Variants in TTLL2 observed in about 807,000 individuals in gnomAD.
The protein encoded by TTLL2 is tubulin tyrosine ligase like 2.
A neutral mutation model predicts 7.5 loss-of-function variants in TTLL2; 10 were observed. The ratio of observed to expected loss-of-function variants is 1.33; its 90% CI spans 0.82 to 2.25. The LOEUF is 2.25. Among genes scored for constraint, TTLL2 ranks in the 30% most tolerant of loss-of-function variants. TTLL2 has a pLI of 0.00. For synonymous variants in TTLL2, 284 were observed against 280.3 expected (o/e 1.01, Z -0.13); for missense variants, 733 against 735.7 (o/e 1.00, Z 0.04).
rs200167585 is a variant in TTLL2 at position 167,340,735 on chromosome 6, C to T, written c.835C>T (p.Arg279Trp). 1.5e-5 allele frequency: 25 copies of T among 1,614,028 alleles called. 1 individual carries two copies. Among genetic ancestry groups the T allele is most frequent in the Middle Eastern group, 1.6e-4 (1 of 6,084 alleles). Residue 279 changes from arginine to tryptophan, a missense_variant, in exon 3 of 3, where the codon CGG becomes TGG. Physicochemically the swap from Arg to Trp is moderately radical, Grantham distance 101. Transcript: ENST00000239587. The part of the protein sequence containing the change: ...TIYVYQEGLV[R>W]FATEKFDLSN... ...TTATGTTTATCAGGAAGGGTTGGTT[C>T]GGTTTGCCACGGAAAAGTTTGACCT...
In TTLL2 at chr6:167,340,413, C is replaced by T. The variant is rs151191435; in HGVS notation, c.513C>T (p.Gly171=). The T allele has an allele frequency of 6.2e-7, 1 of 1,614,078 alleles. No individual in the cohort carries two copies. ...KHLKHMRRMY[G]TSLYQFIPLT... is the part of the protein sequence containing the mutation. ...TGAAGCACATGAGGAGGATGTATGG[C>T]ACTTCCCTGTACCAGTTCATCCCCC... Residue 171 remains glycine (G), a synonymous_variant, in exon 3 of 3, where the codon GGC becomes GGT. Transcript: ENST00000239587.
At position 167,340,859 on chromosome 6, in the gene TTLL2, G is replaced by T; in HGVS notation, c.959G>T (p.Cys320Phe). 1 of 1,614,192 alleles carries T rather than the reference G, an allele frequency of 6.2e-7. No homozygotes were observed. The highest frequency in any genetic ancestry group is 1.1e-5 in the South Asian group (1 of 91,082). Residue 320 changes from cysteine (C) to phenylalanine (F), a missense_variant, in exon 3 of 3, where the codon TGT becomes TTT. Physicochemically the swap from Cys to Phe is radical, Grantham distance 205. Coordinates refer to ENST00000239587, the MANE Select transcript of TTLL2 (RefSeq NM_031949.5). The part of the protein sequence containing the change: ...EKIKEVIGHG[C>F]KWTLSRFFSY... ...ATCAAAGAAGTGATTGGTCATGGTT[G>T]TAAATGGACGCTCAGCAGATTTTTT...
Position 167,341,225 on chromosome 6 carries a change from G to A in TTLL2, c.1325G>A (p.Ser442Asn), listed in dbSNP as rs1249082989. Residue 442 changes from serine (S) to asparagine (N), a missense_variant, in exon 3 of 3, where the codon AGT becomes AAT. Ser to Asn is a conservative substitution (Grantham distance 46). Coordinates refer to ENST00000239587, the MANE Select transcript of TTLL2 (RefSeq NM_031949.5). ...HGNSNIDAAK[S>N]DRGGLDAPDC... ...AATTCCAACATCGACGCTGCAAAAA[G>A]TGACAGAGGTGGGCTTGATGCTCCT... 6.2e-7 allele frequency: 1 copy of A among 1,613,708 alleles called. No homozygotes were observed. Among genetic ancestry groups the A allele is most frequent in the Non-Finnish European group, 8.5e-7 (1 of 1,179,988 alleles).
chr6:167,339,206 C>T (rs543698630), intron 2 of TTLL2, among the ~76,000 whole-genome samples: 23 of 152,178 alleles, frequency 1.5e-4, no homozygotes, highest in East Asian at 9.6e-4. Context: ...CAATTTTGCA[C>T]GAACAATACA....
intron 1 of TTLL2, among the ~76,000 whole-genome samples, chr6:167,326,839 C>A (rs796935298): frequency 3.3e-5 from 5 of 152,254 alleles, no homozygotes; most frequent in African/African-American, 4.8e-5. Flanking sequence ...AGACTGGACA[C>A]CCCTGGTAGA....
At chr6:167,330,336 T>C (rs1295050866) in intron 1 of TTLL2, among the ~76,000 whole-genome samples, 1 of 152,132 alleles carries the variant, frequency 6.6e-6, no homozygotes, top group Non-Finnish European at 1.5e-5. Context: ...GGCAGGTGGA[T>C]CACCTGAGGT....
At chr6:167,331,786 C>A (rs1474569800) in intron 1 of TTLL2, among the ~76,000 whole-genome samples, 1 of 152,188 alleles carries the variant, frequency 6.6e-6, no homozygotes, top group Admixed American at 6.5e-5. Context: ...CTGGCGAGTG[C>A]TCAAACTGTG....
intron 1 of TTLL2, among the ~76,000 whole-genome samples, chr6:167,331,295 T>A (rs1184469742): frequency 6.6e-6 from 1 of 152,148 alleles, no homozygotes; most frequent in Non-Finnish European, 1.5e-5. Context: ...GAAACTATTA[T>A]ATATTACACT....
chr6:167,332,902 C>G, intron 1 of TTLL2, among the ~76,000 whole-genome samples: 1 of 86,970 alleles, frequency 1.1e-5, no homozygotes, highest in Non-Finnish European at 2.2e-5. Context: ...GACAATTTGA[C>G]TTCCTCTTTT....
rs1384107688 is a variant in TTLL2 at position 167,340,330 on chromosome 6, C to T, written c.430C>T (p.Leu144=). 2.5e-6 allele frequency: 4 copies of T among 1,614,164 alleles called. No homozygotes were observed. In the South Asian group the frequency reaches 3.3e-5, roughly 13 times the overall value. The part of the protein sequence containing the change: ...EHNSVKPWQQ[L]NHHPGTTKLT... ...CAACAGTGTTAAACCGTGGCAGCAGCTAAACCACCACCCTGGAACCACCAA... is the reference window on the plus strand; with the variant it reads ...CAACAGTGTTAAACCGTGGCAGCAGTTAAACCACCACCCTGGAACCACCAA... Residue 144 remains leucine, a synonymous_variant, in exon 3 of 3, where the codon CTA becomes TTA. Coordinates refer to ENST00000239587, the MANE Select transcript of TTLL2 (RefSeq NM_031949.5).
Position 167,338,646 on chromosome 6 carries a change from G to C in TTLL2, c.48-1G>C. 1.2e-6 allele frequency: 2 copies of C among 1,612,130 alleles called. No individual in the cohort carries two copies. Among genetic ancestry groups the C allele is most frequent in the Non-Finnish European group, 1.7e-6 (2 of 1,178,860 alleles). ...CATTGTTGATGCTGCTTTGTTCACA[G>C]ATCTTTGAGAACCACCACCCCAGCC... On this transcript the variant is annotated splice_acceptor_variant, in intron 1 of 2. Transcript: ENST00000239587. LOFTEE classifies it high-confidence loss of function.
chr6:167,326,004 C>T (rs541264577), intron 1 of TTLL2, among the ~76,000 whole-genome samples: 43 of 152,280 alleles, frequency 2.8e-4, no homozygotes, highest in East Asian at 3.9e-4. Flanking sequence ...GCCTCCACAC[C>T]GCAGGCAGAG....
Position 167,338,677 on chromosome 6 carries a change from C to T in TTLL2, c.78C>T (p.Thr26=). Residue 26 remains threonine (T), a synonymous_variant, in exon 2 of 3, where the codon ACC becomes ACT. Coordinates refer to ENST00000239587, the MANE Select transcript of TTLL2 (RefSeq NM_031949.5). The part of the protein sequence containing the change: ...GSLRTTTPAF[T]LNIPSEANHT... Reference sequence around the variant, plus strand: ...TGAGAACCACCACCCCAGCCTTTACCCTTAACATTCCATCCGAGGCAAACC... The same window carrying T: ...TGAGAACCACCACCCCAGCCTTTACTCTTAACATTCCATCCGAGGCAAACC... The T allele has an allele frequency of 6.2e-7, 1 of 1,614,074 alleles. No individual in the cohort carries two copies. Among genetic ancestry groups the T allele is most frequent in the Non-Finnish European group, 8.5e-7 (1 of 1,179,950 alleles).
chr6:167,334,000 G>T (rs1778954957), intron 1 of TTLL2, among the ~76,000 whole-genome samples: 1 of 102,714 alleles, frequency 9.7e-6, no homozygotes, highest in East Asian at 2.8e-4. Flanking sequence ...GAATGTGTTT[G>T]CTCTTGCTTT....
At chr6:167,334,610 A>G (rs559224347) in intron 1 of TTLL2, among the ~76,000 whole-genome samples, 2,312 of 145,962 alleles carry the variant, frequency 0.016, 57 homozygotes, top group African/African-American at 0.058. Flanking sequence ...TGGTACTGGT[A>G]CCAAAACAGA....
rs149574805 is a variant in TTLL2, at chr6:167,328,695, C to T, written c.47+3475C>T. Among the ~76,000 whole-genome samples, 360 of 152,246 alleles carry T rather than the reference C, an allele frequency of 2.4e-3. 2 individuals are homozygous for T. The highest frequency in any genetic ancestry group is 8.2e-3 in the African/African-American group (339 of 41,522). On this transcript the variant is annotated intron_variant, in intron 1 of 2. Coordinates refer to ENST00000239587, the MANE Select transcript of TTLL2 (RefSeq NM_031949.5). ...GACCTTAGAAGTTTTCAGCGGGTGG[C>T]GTTTCACAGTAATGGAGTCTGACAT...
rs1330957790 is a variant in TTLL2, at chr6:167,340,479, T to C, written c.579T>C (p.Ala193=). The change falls in exon 3 of 3, where the codon GCT becomes GCC. Residue 193 remains alanine (A), a synonymous_variant. Coordinates refer to ENST00000239587, the MANE Select transcript of TTLL2 (RefSeq NM_031949.5). ...VMPNDYTKFV[A]EYFQERQMLG... is the part of the protein sequence containing the mutation. ...CCAATGACTATACCAAGTTCGTGGCTGAATACTTTCAGGAGAGGCAGATGC... is the reference window on the plus strand; with the variant it reads ...CCAATGACTATACCAAGTTCGTGGCCGAATACTTTCAGGAGAGGCAGATGC... 2 of 1,614,046 alleles carry C rather than the reference T, an allele frequency of 1.2e-6. No homozygotes were observed. Among genetic ancestry groups the C allele is most frequent in the African/African-American group, 2.7e-5 (2 of 74,902 alleles).
In TTLL2 at chr6:167,341,170, G is replaced by C. The variant is rs141172576; in HGVS notation, c.1270G>C (p.Gly424Arg). ...LIYLNGLRNE[G>R]REASNATHGN... ...TTACTTAAATGGTCTAAGAAATGAG[G>C]GGAGAGAAGCCAGTAATGCCACACA... Residue 424 changes from glycine to arginine, a missense_variant, in exon 3 of 3, where the codon GGG becomes CGG. By Grantham distance (125) the Gly-to-Arg change is moderately radical. Coordinates refer to ENST00000239587, the MANE Select transcript of TTLL2 (RefSeq NM_031949.5). The C allele has an allele frequency of 1.9e-6, 3 of 1,613,740 alleles. No homozygotes were observed. The highest frequency in any genetic ancestry group is 2.5e-6 in the Non-Finnish European group (3 of 1,180,022).
chr6:167,338,518 A>G, intron 1 of TTLL2, 129 bp from the exon 2 acceptor site: 1 of 1,262,588 alleles, frequency 7.9e-7, no homozygotes. Context: ...ATTTGAAAGC[A>G]TTACTGCAAA....
Sources: gnomAD v4.1 joint callset for allele counts (sites outside exome capture counted in the v4.1 genomes callset) on GRCh38, gnomAD v4.1.1 for gene constraint, MANE v1.5 for transcripts, NCBI Gene and HGNC (gene_info 2026-07-23, HGNC 2026-07-21) for gene names.